RFX1: variants seen among roughly 807,000 people sequenced by gnomAD.
The protein encoded by RFX1 is regulatory factor X1.
RFX1 carries 42 observed loss-of-function variants against 119.6 expected under a neutral mutation model. The observed-to-expected ratio is 0.35, with a 90% CI of 0.27 to 0.45. The LOEUF (loss-of-function observed/expected upper bound fraction) is 0.45, where lower values mean the gene tolerates loss of function less well. Ranked by LOEUF, RFX1 falls within the 20% of genes least tolerant of loss-of-function variation. The probability of loss-of-function intolerance (pLI) is 1.00; values close to 1 mark genes in which losing one functional copy is unlikely to be tolerated. For missense variants in RFX1, 1,118 were observed against 1,368.1 expected, an observed-to-expected ratio of 0.82 and a Z score of 2.88; for synonymous variants, 628 against 618.5, an observed-to-expected ratio of 1.02 and a Z score of -0.23.
intron 1 of RFX1, among the ~76,000 whole-genome samples, chr19:14,000,693 G>A (rs1975188348): frequency 6.6e-6 from 1 of 152,208 alleles, no homozygotes; most frequent in Non-Finnish European, 1.5e-5. Context: ...AGCTGCTCGG[G>A]AGGCTGGGGT....
In RFX1 at chr19:13,965,923, C is replaced by A; in HGVS notation, c.1962-146G>T. The A allele has an allele frequency of 4.4e-6, 4 of 905,624 alleles. No homozygotes were observed. Among genetic ancestry groups the A allele is most frequent in the Non-Finnish European group, 6.6e-6 (4 of 603,548 alleles). The allele number at this position is 905,624 out of a possible 1,614,324, so 56.1% of individuals were successfully genotyped here. A position where few individuals can be genotyped will look rare whatever the true frequency, so the allele number is the denominator to read the frequency against. ...CCCCCAGCATCAGAAGGCACAGGTA[C>A]CCCCTTACCCCCACTCCAGGGTCAG... On this transcript the variant is annotated intron_variant, in intron 14 of 20. Transcript: ENST00000254325. This position sits in a 1 kb window ranked among gnomAD's most constrained non-coding sequence, Gnocchi z 4.7.
chr19:13,994,926 A>ATATATG (rs1568481473), intron 1 of RFX1, among the ~76,000 whole-genome samples: 3 of 110,992 alleles, frequency 2.7e-5, no homozygotes, highest in Non-Finnish European at 5.6e-5. Context: ...ATATATATAT[A>ATATATG]TATATATATA....
In RFX1 at chr19:13,965,566, T is replaced by A. The variant is rs8113080; in HGVS notation, c.2114-20A>T. ...AGGCACCTGTGGGCGGTGGCGGGGG[T>A]CGGTCAGGGCAGGGCGGGTGTATGT... On this transcript the variant is annotated intron_variant, in intron 15 of 20. Coordinates refer to ENST00000254325, the MANE Select transcript of RFX1 (RefSeq NM_002918.5). The surrounding 1 kb of genome is among the most constrained non-coding windows in gnomAD (Gnocchi z 4.7). The A allele has an allele frequency of 1.9e-6, 3 of 1,610,014 alleles. No homozygotes were observed. Among genetic ancestry groups the A allele is most frequent in the Non-Finnish European group, 2.5e-6 (3 of 1,178,650 alleles).
chr19:13,974,298 T>C (rs192261892), intron 8 of RFX1, among the ~76,000 whole-genome samples: 2 of 152,296 alleles, frequency 1.3e-5, no homozygotes, highest in East Asian at 1.9e-4. Flanking sequence ...GCAGATATGT[T>C]TCCCCTGAGC....
In RFX1 at chr19:13,980,753, C is replaced by T. The variant is rs1974404235; in HGVS notation, c.622-64G>A. 1.1e-6 allele frequency: 1 copy of T among 929,574 alleles called. No homozygotes were observed. The highest frequency in any genetic ancestry group is 1.6e-6 in the Non-Finnish European group (1 of 608,746). The allele number at this position is 929,574 out of a possible 1,614,324, so 57.6% of individuals were successfully genotyped here. A position where few individuals can be genotyped will look rare whatever the true frequency, so the allele number is the denominator to read the frequency against. ...GCTTGCATCCTCTCTGAGGTGGGCT[C>T]ACACACACACCCTTCTCAGGAGAGC... On this transcript the variant is annotated intron_variant, in intron 5 of 20. Coordinates refer to ENST00000254325, the MANE Select transcript of RFX1 (RefSeq NM_002918.5). This position sits in a 1 kb window ranked among gnomAD's most constrained non-coding sequence, Gnocchi z 5.1.
chr19:13,983,454 CT>C, intron 3 of RFX1, 31 bp downstream of exon 3: 2 of 1,540,204 alleles, frequency 1.3e-6, no homozygotes, highest in Admixed American at 1.9e-5. Flanking sequence ...CTCCCGGGCC[CT>C]CCCCCACCCC....
chr19:13,995,936 G>A (rs1256305961), intron 1 of RFX1, among the ~76,000 whole-genome samples: 1 of 152,076 alleles, frequency 6.6e-6, no homozygotes, highest in Admixed American at 6.6e-5. Context: ...GCTGAGGTGG[G>A]AGAATTGCTT....
At chr19:13,995,385 C>T (rs192565778) in intron 1 of RFX1, among the ~76,000 whole-genome samples, 1 of 152,220 alleles carries the variant, frequency 6.6e-6, no homozygotes, top group African/African-American at 2.4e-5. Context: ...CCCCTGTGAG[C>T]TGCATGGGGC....
chr19:13,975,064 AG>A (rs1341706159), intron 8 of RFX1, among the ~76,000 whole-genome samples: 2 of 121,970 alleles, frequency 1.6e-5, no homozygotes, highest in African/African-American at 3.2e-5. Flanking sequence ...AAAAAAAGGG[AG>A]GGGGGCAGGG....
intron 1 of RFX1, among the ~76,000 whole-genome samples, chr19:13,997,732 C>G (rs1003311985): frequency 1.3e-5 from 2 of 152,180 alleles, no homozygotes; most frequent in Admixed American, 1.3e-4. Context: ...CTGGGGCCAC[C>G]CTCCCTGCCA....
At chr19:13,982,098 C>T (rs1226117955) in intron 5 of RFX1, 23 bp downstream of exon 5, 29 of 1,218,110 alleles carry the variant, frequency 2.4e-5, no homozygotes, top group Admixed American at 3.1e-5. Flanking sequence ...GGGGGGAGGG[C>T]GGCCAACAGG....
intron 1 of RFX1, among the ~76,000 whole-genome samples, chr19:14,003,474 G>C (rs1975281744): frequency 6.7e-6 from 1 of 149,262 alleles, no homozygotes; most frequent in African/African-American, 2.6e-5. Context: ...GCTCTCACTG[G>C]ATTCAAAATG....
intron 1 of RFX1, among the ~76,000 whole-genome samples, chr19:13,996,718 C>CTTTTTTTTT (rs767281958): frequency 5.2e-5 from 6 of 114,406 alleles, no homozygotes; most frequent in Non-Finnish European, 7.2e-5. Flanking sequence ...GGCTCATTTG[C>CTTTTTTTTT]TTTTTTTTTT....
chr19:14,000,869 A>G (rs1477504868), intron 1 of RFX1, among the ~76,000 whole-genome samples: 1 of 152,108 alleles, frequency 6.6e-6, no homozygotes, highest in Non-Finnish European at 1.5e-5. Flanking sequence ...CCAGGGCAGG[A>G]AGATTGCTTG....
At chr19:13,995,134 C>G (rs1974964851) in intron 1 of RFX1, among the ~76,000 whole-genome samples, 1 of 151,516 alleles carries the variant, frequency 6.6e-6, no homozygotes, top group South Asian at 2.1e-4. Flanking sequence ...AGATAGGGAG[C>G]TGAGGCTCAG....
intron 2 of RFX1, among the ~76,000 whole-genome samples, chr19:13,993,070 G>A (rs1357426803): frequency 6.6e-6 from 1 of 152,110 alleles, no homozygotes; most frequent in Non-Finnish European, 1.5e-5. Context: ...AGGCCGGGAG[G>A]ATCATTTGAG....
chr19:13,983,371 G>A, intron 3 of RFX1, 101 bp from the exon 4 acceptor site: 1 of 1,258,194 alleles, frequency 7.9e-7, no homozygotes, highest in South Asian at 1.4e-5. Context: ...GATAAGAACA[G>A]GTGAGCAGAT....
chr19:13,988,819 G>A (rs1331536838), intron 2 of RFX1, among the ~76,000 whole-genome samples: 2 of 151,946 alleles, frequency 1.3e-5, no homozygotes, highest in Non-Finnish European at 2.9e-5. Flanking sequence ...TAAGAAGTTT[G>A]AGACCAGCCT....
chr19:13,979,412 CCTTT>C, intron 7 of RFX1, 31 bp downstream of exon 7: 7 of 1,467,746 alleles, frequency 4.8e-6, no homozygotes, highest in Non-Finnish European at 6.5e-6. Flanking sequence ...GGGACCAGCC[CCTTT>C]GCCCGTGGGG....
Sources: gnomAD v4.1 joint callset for allele counts (sites outside exome capture counted in the v4.1 genomes callset) on GRCh38, gnomAD v4.1.1 for gene constraint, Gnocchi (gnomAD v3.1) non-coding constraint, MANE v1.5 for transcripts, NCBI Gene and HGNC (gene_info 2026-07-23, HGNC 2026-07-21) for gene names.